Variants in EPHA6 observed in about 807,000 individuals in gnomAD.
EPHA6 encodes the protein EPH receptor A6.
Under a neutral mutation model 112.0 loss-of-function variants are expected in EPHA6, and 50 were observed. The observed-to-expected ratio is 0.45, with a 90% CI of 0.36 to 0.56. EPHA6 has a LOEUF of 0.56. EPHA6 is among the 20% of genes least tolerant of loss of function. The pLI is 0.00. For synonymous variants in EPHA6, 529 were observed against 490.7 expected (o/e 1.08, Z -1.03); for missense variants, 1,280 against 1,417.4 (o/e 0.90, Z 1.56).
At chr3:97,547,254 C>T (rs1311990022) in intron 11 of EPHA6, among the ~76,000 whole-genome samples, 1 of 152,136 alleles carries the variant, frequency 6.6e-6, no homozygotes, top group East Asian at 1.9e-4. Flanking sequence ...GTGTGGATGT[C>T]CTTTCTGTTT....
chr3:97,264,884 G>T lies in EPHA6; in HGVS notation c.1606+20597G>T, dbSNP rs533108845. On this transcript the variant is annotated intron_variant, in intron 5 of 17. Coordinates refer to ENST00000389672, the MANE Select transcript of EPHA6 (RefSeq NM_001080448.3). Reference sequence around the variant, plus strand: ...GGGACACCCTGGCTATGGAGAGGAGGGTTGCTGCTCTCTGCTAGGCAGGTC... The same window carrying T: ...GGGACACCCTGGCTATGGAGAGGAGTGTTGCTGCTCTCTGCTAGGCAGGTC... 2.6e-5 allele frequency among the ~76,000 whole-genome samples: 4 copies of T among 152,306 alleles called. No individual in the cohort carries two copies. The South Asian group carries it at 8.3e-4, about 32-fold the overall frequency.
At chr3:96,937,795 G>T (rs941072757) in intron 2 of EPHA6, among the ~76,000 whole-genome samples, 2 of 152,100 alleles carry the variant, frequency 1.3e-5, no homozygotes, top group South Asian at 4.1e-4. Flanking sequence ...TAAGGTGTAA[G>T]GAAGGGATCC....
chr3:97,083,649 T>C (rs567566752), intron 3 of EPHA6, among the ~76,000 whole-genome samples: 2 of 152,116 alleles, frequency 1.3e-5, no homozygotes, highest in Admixed American at 6.6e-5. Context: ...CTGTACTTCT[T>C]GTATTCAGTA....
chr3:97,341,566 G>C (rs760044362), intron 5 of EPHA6, among the ~76,000 whole-genome samples: 10 of 152,010 alleles, frequency 6.6e-5, no homozygotes, highest in Non-Finnish European at 1.0e-4. Flanking sequence ...TGTTGGCCAG[G>C]ATGGTATCGA....
rs554175851 is a variant in EPHA6 at position 97,584,921 on chromosome 3, A to T, written c.2387-7691A>T. On this transcript the variant is annotated intron_variant, in intron 11 of 17. Coordinates refer to ENST00000389672, the MANE Select transcript of EPHA6 (RefSeq NM_001080448.3). ...GAATGAAAGAGAAGATAAATAACTT[A>T]TCCAAGATTAATCAGTTAGTGAATG... 4.6e-5 allele frequency among the ~76,000 whole-genome samples: 7 copies of T among 152,370 alleles called. No homozygotes were observed. In the South Asian group the frequency reaches 1.2e-3, roughly 27 times the overall value.
intron 10 of EPHA6, among the ~76,000 whole-genome samples, chr3:97,526,019 A>T (rs898930395): frequency 2.0e-5 from 3 of 152,152 alleles, no homozygotes; most frequent in African/African-American, 7.2e-5. Flanking sequence ...TTAAACTGAG[A>T]CATAAGATTG....
intron 3 of EPHA6, among the ~76,000 whole-genome samples, chr3:97,211,701 T>C (rs1166263802): frequency 6.6e-6 from 1 of 152,168 alleles, no homozygotes; most frequent in Non-Finnish European, 1.5e-5. Flanking sequence ...GATTTCAGGC[T>C]TCAACATCAA....
chr3:97,223,703 T>C (rs1175849754), intron 3 of EPHA6, among the ~76,000 whole-genome samples: 1 of 152,216 alleles, frequency 6.6e-6, no homozygotes, highest in East Asian at 1.9e-4. Flanking sequence ...CATCAGCTAC[T>C]GGGTTGACCA....
intron 10 of EPHA6, among the ~76,000 whole-genome samples, chr3:97,502,238 G>A (rs951545368): frequency 1.4e-5 from 2 of 143,402 alleles, no homozygotes; most frequent in Non-Finnish European, 3.0e-5. Flanking sequence ...GTGCAATCTC[G>A]GCTCACTGCA....
intron 3 of EPHA6, among the ~76,000 whole-genome samples, chr3:97,177,376 A>G (rs1409765544): frequency 6.6e-6 from 1 of 151,948 alleles, no homozygotes; most frequent in Admixed American, 6.6e-5. Flanking sequence ...TGTTCTGTAA[A>G]TATCTATTAT....
At chr3:97,731,464 G>A (rs1576368634) in intron 15 of EPHA6, among the ~76,000 whole-genome samples, 1 of 152,172 alleles carries the variant, frequency 6.6e-6, no homozygotes, top group Admixed American at 6.6e-5. Flanking sequence ...GTCACACAAA[G>A]AGATCTCAAG....
chr3:97,436,880 T>TA (rs1359919712), intron 6 of EPHA6, among the ~76,000 whole-genome samples: 9 of 152,254 alleles, frequency 5.9e-5, no homozygotes, highest in South Asian at 4.1e-4. Flanking sequence ...AGCACTACTG[T>TA]AAAAAAATCC....
intron 8 of EPHA6, among the ~76,000 whole-genome samples, chr3:97,476,843 T>C (rs911233354): frequency 3.3e-5 from 5 of 152,122 alleles, no homozygotes; most frequent in Non-Finnish European, 7.4e-5. Context: ...TATGTTTACT[T>C]AAGTTTTTCA....
intron 5 of EPHA6, among the ~76,000 whole-genome samples, chr3:97,359,755 T>C (rs2084273463): frequency 6.6e-6 from 1 of 152,080 alleles, no homozygotes; most frequent in African/African-American, 2.4e-5. Flanking sequence ...TTGTTACTGT[T>C]TTTTGGTTTG....
intron 3 of EPHA6, among the ~76,000 whole-genome samples, chr3:97,091,716 C>T (rs1186032933): frequency 1.3e-5 from 2 of 152,136 alleles, no homozygotes; most frequent in Non-Finnish European, 2.9e-5. Flanking sequence ...TGTGGACCCA[C>T]TATTCAATCA....
chr3:97,700,951 G>A (rs1472498189), intron 14 of EPHA6, among the ~76,000 whole-genome samples: 2 of 152,132 alleles, frequency 1.3e-5, no homozygotes, highest in African/African-American at 4.8e-5. Flanking sequence ...TAGAATATTA[G>A]GCAACTCCAC....
chr3:97,739,295 C>T (rs754468646), intron 16 of EPHA6, among the ~76,000 whole-genome samples: 7 of 152,034 alleles, frequency 4.6e-5, no homozygotes, highest in Non-Finnish European at 8.8e-5. Context: ...TCCCCAACCC[C>T]CAGATTTCTC....
rs2035991942 is a variant in EPHA6 at position 97,754,987 on chromosome 3, G to C, written c.*6286G>C. 6.6e-6 allele frequency among the ~76,000 whole-genome samples: 1 copy of C among 152,232 alleles called. No individual in the cohort carries two copies. The highest frequency in any genetic ancestry group is 2.4e-5 in the African/African-American group (1 of 41,464). On this transcript the variant is annotated 3_prime_UTR_variant, in exon 18 of 18. Transcript: ENST00000389672. Reference sequence around the variant, plus strand: ...CAAAGTGGTGGGATTACAGGCGTGAGCCACCGCGCCCGGCCACAAAGTTTT... The same window carrying C: ...CAAAGTGGTGGGATTACAGGCGTGACCCACCGCGCCCGGCCACAAAGTTTT...
At chr3:96,912,493 A>T (rs970569019) in intron 2 of EPHA6, among the ~76,000 whole-genome samples, 2 of 152,192 alleles carry the variant, frequency 1.3e-5, no homozygotes, top group African/African-American at 4.8e-5. Context: ...TCAAACATAC[A>T]GTTTAAGAAA....
Sources: allele counts gnomAD v4.1 joint callset (sites outside exome capture counted in the v4.1 genomes callset), GRCh38; gene constraint gnomAD v4.1.1; transcripts MANE v1.5; gene names NCBI Gene and HGNC (gene_info 2026-07-23, HGNC 2026-07-21).